Variants in ESR1 observed in about 807,000 individuals in gnomAD.
ESR1 encodes the protein estrogen receptor 1.
ESR1 carries 12 observed loss-of-function variants against 52.7 expected under a neutral mutation model. The observed-to-expected ratio is 0.23, with a 90% confidence interval of 0.15 to 0.37. The LOEUF is 0.37. Among genes scored for constraint, ESR1 ranks in the 10% least tolerant of loss-of-function variants. The pLI, the probability that ESR1 is intolerant of heterozygous loss-of-function variation, is 1.00. For synonymous variants in ESR1, 305 were observed against 316.8 expected (o/e 0.96, Z 0.39); for missense variants, 584 against 779.7 (o/e 0.75, Z 2.99).
intron 5 of ESR1, among the ~76,000 whole-genome samples, chr6:152,020,320 G>A (rs2043527928): frequency 6.6e-6 from 1 of 152,198 alleles, no homozygotes; most frequent in Non-Finnish European, 1.5e-5. Context: ...CAGGGGGAAA[G>A]CAGAGTATGT....
At chr6:151,756,823 C>T (rs1402775405) in intron 2 of ESR1, among the ~76,000 whole-genome samples, 1 of 152,020 alleles carries the variant, frequency 6.6e-6, no homozygotes, top group Non-Finnish European at 1.5e-5. Context: ...AACCCCGTCT[C>T]TATTAAAAAT....
intron 5 of ESR1, among the ~76,000 whole-genome samples, chr6:152,059,463 A>T (rs147283274): frequency 6.6e-6 from 1 of 152,076 alleles, no homozygotes; most frequent in Non-Finnish European, 1.5e-5. Context: ...AAAAAACCAT[A>T]AGAAAAACAA....
chr6:151,933,900 A>G (rs997617083), intron 3 of ESR1, among the ~76,000 whole-genome samples: 3 of 152,256 alleles, frequency 2.0e-5, no homozygotes, highest in African/African-American at 4.8e-5. Flanking sequence ...CATCAACTGC[A>G]ATGGCTTCCT....
intron 6 of ESR1, among the ~76,000 whole-genome samples, chr6:152,074,514 G>A (rs914093544): frequency 6.6e-6 from 1 of 152,170 alleles, no homozygotes; most frequent in African/African-American, 2.4e-5. Context: ...TGTGTTGGTT[G>A]CATCCAAGTT....
chr6:151,707,021 G>A (rs1344897353), intron 2 of ESR1, among the ~76,000 whole-genome samples: 1 of 152,152 alleles, frequency 6.6e-6, no homozygotes, highest in Non-Finnish European at 1.5e-5. Context: ...GATGTAAGCC[G>A]TGTGTTTAGG....
chr6:152,048,247 C>T (rs1177089823), intron 5 of ESR1, among the ~76,000 whole-genome samples: 1 of 151,016 alleles, frequency 6.6e-6, no homozygotes, highest in African/African-American at 2.4e-5. Flanking sequence ...TGGCATGTGC[C>T]TGAAGTCCCA....
chr6:152,041,281 C>T (rs1185233175), intron 5 of ESR1, among the ~76,000 whole-genome samples: 3 of 152,182 alleles, frequency 2.0e-5, no homozygotes, highest in Non-Finnish European at 2.9e-5. Flanking sequence ...AGTGGCAGAG[C>T]AGCTTGCCAA....
rs538628965 is a variant in ESR1 at position 151,873,677 on chromosome 6, TA to T, written c.644-6974del. Among the ~76,000 whole-genome samples, 27 of 152,342 alleles carry T rather than the reference TA, an allele frequency of 1.8e-4. No individual in the cohort carries two copies. The South Asian group carries it at 5.0e-3, about 28-fold the overall frequency. On this transcript the variant is annotated intron_variant, in intron 2 of 7. Transcript: ENST00000206249. Reference sequence around the variant, plus strand: ...TAATATAGTCTTTCACTGATAAAACTAAAATGTCATAGGTTTTCCTTTGGCC... The same window carrying T: ...TAATATAGTCTTTCACTGATAAAACTAAATGTCATAGGTTTTCCTTTGGCC...
intron 1 of ESR1, among the ~76,000 whole-genome samples, chr6:151,674,024 A>T (rs79171354): frequency 0.019 from 2,918 of 152,024 alleles, 91 homozygotes; most frequent in African/African-American, 0.064. Context: ...TCTTTTTTTT[A>T]AAATTTTACT....
intron 6 of ESR1, among the ~76,000 whole-genome samples, chr6:152,092,728 T>A (rs1476978796): frequency 1.3e-5 from 2 of 152,176 alleles, no homozygotes; most frequent in African/African-American, 4.8e-5. Context: ...ATTGCTGCAG[T>A]GTTAGAAAAT....
intron 3 of ESR1, among the ~76,000 whole-genome samples, chr6:151,923,814 G>C (rs924891344): frequency 4.6e-5 from 7 of 152,130 alleles, no homozygotes; most frequent in African/African-American, 1.7e-4. Flanking sequence ...CAAATTAGTT[G>C]GGTAAATATC....
intron 6 of ESR1, among the ~76,000 whole-genome samples, chr6:152,077,668 A>G (rs2048853231): frequency 6.6e-6 from 1 of 152,242 alleles, no homozygotes; most frequent in Admixed American, 6.5e-5. Flanking sequence ...CTCTTGCATC[A>G]GCATGACCTG....
At chr6:151,723,664 T>A (rs1254102478) in intron 2 of ESR1, among the ~76,000 whole-genome samples, 1 of 151,826 alleles carries the variant, frequency 6.6e-6, no homozygotes. Context: ...AGGTCAGGAG[T>A]TCGAGACCAG....
At chr6:151,763,977 G>A (rs998165646) in intron 2 of ESR1, among the ~76,000 whole-genome samples, 2 of 152,136 alleles carry the variant, frequency 1.3e-5, no homozygotes, top group Non-Finnish European at 2.9e-5. Flanking sequence ...AAGGGGAAGG[G>A]CGGCCCTGTG....
chr6:151,788,260 G>A, intron 2 of ESR1, among the ~76,000 whole-genome samples: 2 of 151,978 alleles, frequency 1.3e-5, no homozygotes, highest in Middle Eastern at 6.8e-3. Flanking sequence ...AAATTTACAA[G>A]AAAAAAACAA....
At chr6:152,075,926 G>A (rs2048699879) in intron 6 of ESR1, among the ~76,000 whole-genome samples, 1 of 152,170 alleles carries the variant, frequency 6.6e-6, no homozygotes, top group Non-Finnish European at 1.5e-5. Flanking sequence ...GAATGAAGGG[G>A]TGTCATTTTC....
chr6:151,700,848 A>G lies in ESR1; in HGVS notation c.-201-1027A>G, dbSNP rs186870549. 1.6e-3 allele frequency among the ~76,000 whole-genome samples: 245 copies of G among 152,252 alleles called. 2 individuals carry two copies. Among genetic ancestry groups the G allele is most frequent in the East Asian group, 7.7e-3 (40 of 5,190 alleles). On this transcript the variant is annotated intron_variant, in intron 1 of 2. Coordinates refer to the ESR1 transcript ENST00000404742. ...CTTGCACATTTAAAGCTGTTATACA[A>G]CATTTTAAAAACAAACCAAAAAAAC...
chr6:151,848,493 T>TAA (rs1272722852), intron 2 of ESR1, among the ~76,000 whole-genome samples: 114 of 147,068 alleles, frequency 7.8e-4, no homozygotes, highest in African/African-American at 2.3e-3. Flanking sequence ...AAAAAAAATT[T>TAA]AAAAAAAAAA....
chr6:152,109,203 C>T (rs761024920), intron 6 of ESR1, among the ~76,000 whole-genome samples: 1 of 152,176 alleles, frequency 6.6e-6, no homozygotes, highest in Non-Finnish European at 1.5e-5. Flanking sequence ...CACCTCCCAC[C>T]AGGCCCCACC....
Sources: gnomAD v4.1 joint callset for allele counts (sites outside exome capture counted in the v4.1 genomes callset) on GRCh38, gnomAD v4.1.1 for gene constraint, MANE v1.5 for transcripts, NCBI Gene and HGNC (gene_info 2026-07-23, HGNC 2026-07-21) for gene names.